KDM5A: variants seen among roughly 807,000 people sequenced by gnomAD.
The protein encoded by KDM5A is lysine demethylase 5A.
KDM5A carries 42 observed loss-of-function variants against 193.5 expected under a neutral mutation model. The ratio of observed to expected loss-of-function variants is 0.22; its 90% CI spans 0.17 to 0.28. The LOEUF is 0.28. Among genes scored for constraint, KDM5A ranks in the 10% least tolerant of loss-of-function variants. The pLI, the probability that KDM5A is intolerant of heterozygous loss-of-function variation, is 1.00. For missense variants in KDM5A, 1,692 were observed against 2,055.1 expected, an observed-to-expected ratio of 0.82 and a Z score of 3.42; for synonymous variants, 796 against 718.1, an observed-to-expected ratio of 1.11 and a Z score of -1.73.
At chr12:354,372 T>G (rs1451506765) in intron 7 of KDM5A, 138 bp from the exon 8 acceptor site, 2 of 658,718 alleles carry the variant, frequency 3.0e-6, no homozygotes, top group Non-Finnish European at 2.6e-6. Flanking sequence ...CTATTTCAAG[T>G]AATTGTATTT....
At chr12:325,168 TTTTC>T (rs1481683896) in intron 14 of KDM5A, among the ~76,000 whole-genome samples, 6 of 152,224 alleles carry the variant, frequency 3.9e-5, no homozygotes, top group African/African-American at 1.4e-4. Context: ...GCATTTAGTA[TTTTC>T]TTTAAAAATT....
chr12:327,965 G>A (rs1312478550), intron 14 of KDM5A, among the ~76,000 whole-genome samples: 3 of 152,126 alleles, frequency 2.0e-5, no homozygotes, highest in South Asian at 2.1e-4. Context: ...AGTGAGCTAC[G>A]ACTGTGCCAC....
chr12:337,608 G>A (rs530382733), intron 10 of KDM5A, among the ~76,000 whole-genome samples: 7 of 150,490 alleles, frequency 4.7e-5, no homozygotes, highest in East Asian at 1.9e-4. Flanking sequence ...TTTGAAAAAC[G>A]AAACAATATG....
intron 3 of KDM5A, among the ~76,000 whole-genome samples, chr12:368,526 T>G (rs1276320534): frequency 6.6e-6 from 1 of 152,044 alleles, no homozygotes; most frequent in Admixed American, 6.6e-5. Context: ...AGGTCAGCAG[T>G]TCGAGACCAG....
intron 9 of KDM5A, among the ~76,000 whole-genome samples, chr12:351,206 C>T (rs775375209): frequency 1.3e-5 from 2 of 152,014 alleles, no homozygotes; most frequent in South Asian, 2.1e-4. Flanking sequence ...CTATCCCTCC[C>T]CTAGCCCCCT....
chr12:386,076 T>C (rs1274167449), intron 1 of KDM5A, 102 bp from the exon 2 acceptor site: 2 of 789,044 alleles, frequency 2.5e-6, no homozygotes, highest in Non-Finnish European at 4.4e-6. Context: ...ATGGTGCTAA[T>C]AGACTAACTT....
chr12:381,358 C>T (rs186701513), intron 3 of KDM5A, among the ~76,000 whole-genome samples: 32 of 151,822 alleles, frequency 2.1e-4, no homozygotes, highest in African/African-American at 7.0e-4. Flanking sequence ...GTGATCCATC[C>T]GCCTCAGCCT....
chr12:285,406 G>T lies in KDM5A; in HGVS notation c.*50C>A, dbSNP rs1337709333. ...TAAACCACTCTACTTGATGACTAAG[G>T]TCTCAATGTGGTCCATGTCCCCCCA... On this transcript the variant is annotated 3_prime_UTR_variant, in exon 28 of 28. Coordinates refer to ENST00000399788, the MANE Select transcript of KDM5A (RefSeq NM_001042603.3). 1 of 1,480,238 alleles carries T rather than the reference G, an allele frequency of 6.8e-7. No homozygotes were observed. Among genetic ancestry groups the T allele is most frequent in the Non-Finnish European group, 9.4e-7 (1 of 1,058,452 alleles). The allele number at this position is 1,480,238 out of a possible 1,614,324, so 91.7% of individuals were successfully genotyped here.
rs1194664983 is a variant in KDM5A, at chr12:344,883, A to T, written c.1308+5738T>A. Among the ~76,000 whole-genome samples, 9 of 152,346 alleles carry T rather than the reference A, an allele frequency of 5.9e-5. 1 individual carries two copies. The South Asian group carries it at 1.5e-3, about 25-fold the overall frequency. ...TTCATGGGCAAAATAACCAGCAAAC[A>T]TCATAATGACAGGATCAAATTCACA... On this transcript the variant is annotated intron_variant, in intron 10 of 27. Transcript: ENST00000399788.
chr12:376,382 G>A (rs989251533), intron 3 of KDM5A, among the ~76,000 whole-genome samples: 1 of 152,222 alleles, frequency 6.6e-6, no homozygotes, highest in Non-Finnish European at 1.5e-5. Flanking sequence ...TCCAAGCCAG[G>A]TGCAGGATAT....
chr12:380,171 G>A (rs528935139), intron 3 of KDM5A, among the ~76,000 whole-genome samples: 1 of 152,060 alleles, frequency 6.6e-6, no homozygotes, highest in South Asian at 2.1e-4. Context: ...CTGAGGCTGA[G>A]TGAGGGGAAT....
chr12:318,955 G>A (rs1414808436), intron 18 of KDM5A, among the ~76,000 whole-genome samples: 1 of 152,202 alleles, frequency 6.6e-6, no homozygotes, highest in Non-Finnish European at 1.5e-5. Flanking sequence ...TGAGGGTTGG[G>A]GAGGAACTAC....
rs747580204 is a variant in KDM5A, at chr12:322,513, T to G, written c.2330A>C (p.Glu777Ala). ...LEDAEDRKYP[E>A]NDLFRKLRDA... ...CCTGAGTTTTCGAAAGAGATCATTC[T>G]CTGGGTATTTCCTATCCTCAGCATC... Residue 777 changes from glutamate to alanine, a missense_variant, in exon 17 of 28, where the codon GAG becomes GCG. Transcript: ENST00000399788. The G allele has an allele frequency of 6.2e-7, 1 of 1,613,300 alleles. No homozygotes were observed.
chr12:306,697 C>A (rs1273921847), intron 24 of KDM5A, among the ~76,000 whole-genome samples: 9 of 150,516 alleles, frequency 6.0e-5, no homozygotes, highest in Non-Finnish European at 1.5e-5. Context: ...GAACAGAGAT[C>A]GCGCCATTGC....
At chr12:379,990 C>T (rs1040091127) in intron 3 of KDM5A, among the ~76,000 whole-genome samples, 24 of 152,090 alleles carry the variant, frequency 1.6e-4, no homozygotes. Context: ...AAAGTGCAGC[C>T]GGGCACGGTG....
At chr12:304,766 T>C (rs1943485098) in intron 24 of KDM5A, among the ~76,000 whole-genome samples, 1 of 152,172 alleles carries the variant, frequency 6.6e-6, no homozygotes, top group Non-Finnish European at 1.5e-5. Context: ...CATCAATACT[T>C]GTGATGTTTT....
At chr12:304,872 A>C (rs1591903468) in intron 24 of KDM5A, among the ~76,000 whole-genome samples, 1 of 152,190 alleles carries the variant, frequency 6.6e-6, no homozygotes, top group East Asian at 1.9e-4. Context: ...AACCACCAAA[A>C]ATATCAAAGG....
rs994569563 is a variant in KDM5A at position 280,111 on chromosome 12, C to T, written c.*5345G>A. On this transcript the variant is annotated 3_prime_UTR_variant, in exon 28 of 28. Transcript: ENST00000399788. ...CAAAGTAGAAATACACTTTACAGAA[C>T]ATACAAGTGAGAAGGGGTGAAGAGA... 8.8e-6 allele frequency: 2 copies of T among 227,980 alleles called. No individual in the cohort carries two copies. The highest frequency in any genetic ancestry group is 1.7e-5 in the Non-Finnish European group (2 of 114,720). The allele number at this position is 227,980 out of a possible 1,614,324, so 14.1% of individuals were successfully genotyped here.
At chr12:353,746 C>A (rs760256345) in intron 8 of KDM5A, among the ~76,000 whole-genome samples, 1 of 151,802 alleles carries the variant, frequency 6.6e-6, no homozygotes, top group African/African-American at 2.4e-5. Flanking sequence ...CATGGTGAAA[C>A]CATGGTCTCT....
Sources: gnomAD v4.1 joint callset for allele counts (sites outside exome capture counted in the v4.1 genomes callset) on GRCh38, gnomAD v4.1.1 for gene constraint, MANE v1.5 for transcripts, NCBI Gene and HGNC (gene_info 2026-07-23, HGNC 2026-07-21) for gene names.